The following NUBP2 variants were observed in gnomAD, a reference collection of about 807,000 sequenced individuals.
The protein encoded by NUBP2 is cytosolic Fe-S cluster assembly factor NUBP2.
NUBP2 carries 23 observed loss-of-function variants against 24.9 expected under a neutral mutation model. That is an observed-to-expected ratio of 0.92 (90% CI 0.66 to 1.31). The LOEUF (loss-of-function observed/expected upper bound fraction) is 1.31. NUBP2 is among the 50% of genes most tolerant of loss of function. The pLI, the probability that NUBP2 is intolerant of heterozygous loss-of-function variation, is 0.00. For missense variants in NUBP2, 403 were observed against 386.5 expected (o/e 1.04, Z -0.36); for synonymous variants, 186 against 170.9 (o/e 1.09, Z -0.69).
chr16:1,788,900 C>G lies in NUBP2; in HGVS notation c.*186C>G. 1 of 757,352 alleles carries G rather than the reference C, an allele frequency of 1.3e-6. No individual in the cohort carries two copies. The highest frequency in any genetic ancestry group is 3.1e-5 in the Admixed American group (1 of 32,458). The allele number at this position is 757,352 out of a possible 1,614,324, so 46.9% of individuals were successfully genotyped here. The stretch of plus-strand genomic sequence containing the variant: ...CGCACCAGCAGCTCTGCCTGGTTGG[C>G]CTGCAGTGCCGTGGTCTGCGTGCTC... On this transcript the variant is annotated 3_prime_UTR_variant, in exon 7 of 7. Transcript: ENST00000262302.
chr16:1,783,098 C>T (rs920417546), intron 1 of NUBP2, 62 bp downstream of exon 1: 27 of 1,224,572 alleles, frequency 2.2e-5, no homozygotes, highest in Non-Finnish European at 2.7e-5. Flanking sequence ...CGCCGCGTCC[C>T]TTCCCGGGGC....
chr16:1,788,098 G>C, intron 5 of NUBP2, 40 bp from the exon 6 acceptor site: 5 of 1,555,798 alleles, frequency 3.2e-6, no homozygotes, highest in Non-Finnish European at 4.3e-6. Context: ...CCTGGCCGGT[G>C]GGGGCTTTGG....
intron 1 of NUBP2, chr16:1,784,988 G>A: frequency 1.6e-6 from 1 of 637,242 alleles, no homozygotes; most frequent in South Asian, 7.0e-5. Context: ...GGAGGCGGAG[G>A]TTGCAGTGAG....
At chr16:1,787,554 T>C in intron 3 of NUBP2, 123 bp from the exon 4 acceptor site, 12 of 1,288,684 alleles carry the variant, frequency 9.3e-6, no homozygotes, top group Non-Finnish European at 1.2e-5. Context: ...TGATGGAGGC[T>C]GGTGGCAAGT....
rs769596207 is a variant in NUBP2, at chr16:1,788,163, G to A, written c.626G>A (p.Gly209Asp). ...GAGTGCACCAGCGTCTTCTCCAGGG[G>A]CGGCGGAGAGGAGCTGGCCCAGCTC... ...CTECTSVFSR[G>D]GGEELAQLAG... Residue 209 changes from glycine to aspartate, a missense_variant, in exon 6 of 7, where the codon GGC becomes GAC. Physicochemically the swap from Gly to Asp is moderately conservative, Grantham distance 94. Coordinates refer to ENST00000262302, the MANE Select transcript of NUBP2 (RefSeq NM_012225.4). 2.6e-6 allele frequency: 4 copies of A among 1,537,832 alleles called. No individual in the cohort carries two copies. Among genetic ancestry groups the A allele is most frequent in the Non-Finnish European group, 2.6e-6 (3 of 1,146,362 alleles).
In NUBP2 at chr16:1,786,615, C is replaced by A; in HGVS notation, c.95C>A (p.Ser32Tyr). ...GKGGVGKSTISTELALALRHA... is the reference protein window; with the variant it reads ...GKGGVGKSTIYTELALALRHA... Reference sequence around the variant, plus strand: ...GGGGGCGTTGGGAAAAGCACCATCTCCACGGAGCTGGCCCTGGCACTGCGC... The same window carrying A: ...GGGGGCGTTGGGAAAAGCACCATCTACACGGAGCTGGCCCTGGCACTGCGC... The change falls in exon 2 of 7, where the codon TCC becomes TAC. Residue 32 changes from serine (S) to tyrosine (Y), a missense_variant. Transcript: ENST00000262302. The A allele has an allele frequency of 6.2e-7, 1 of 1,612,768 alleles. No individual in the cohort carries two copies.
intron 1 of NUBP2, chr16:1,783,414 A>C: frequency 9.7e-7 from 1 of 1,028,790 alleles, no homozygotes; most frequent in African/African-American, 1.7e-5. Flanking sequence ...TAAATAAATC[A>C]CACGCGCGCA....
At position 1,782,981 on chromosome 16, in the gene NUBP2, C is replaced by A; in HGVS notation, c.-40C>A. 7.1e-7 allele frequency: 1 copy of A among 1,402,422 alleles called. No homozygotes were observed. Among genetic ancestry groups the A allele is most frequent in the Non-Finnish European group, 9.3e-7 (1 of 1,076,736 alleles). The allele number at this position is 1,402,422 out of a possible 1,614,324, so 86.9% of individuals were successfully genotyped here. A position where few individuals can be genotyped will look rare whatever the true frequency, so the allele number is the denominator to read the frequency against. On this transcript the variant is annotated 5_prime_UTR_variant, in exon 1 of 7. Transcript: ENST00000262302. ...AGCTGGGAGGCTGACGGCCCGCGGG[C>A]GTAAGCGGACTGCAGCCGCGAGCTC...
At chr16:1,783,415 C>T (rs1896815625) in intron 1 of NUBP2, 1 of 1,030,666 alleles carries the variant, frequency 9.7e-7, no homozygotes, top group Non-Finnish European at 1.2e-6. Flanking sequence ...AAATAAATCA[C>T]ACGCGCGCAG....
At chr16:1,785,166 C>T in intron 1 of NUBP2, 2 of 997,352 alleles carry the variant, frequency 2.0e-6, no homozygotes, top group African/African-American at 1.7e-5. Context: ...GCGCACTCGC[C>T]TTCCTCGGGG....
intron 3 of NUBP2, 41 bp from the exon 4 acceptor site, chr16:1,787,636 C>T: frequency 6.2e-7 from 1 of 1,602,426 alleles, no homozygotes; most frequent in Non-Finnish European, 8.5e-7. Context: ...CGTGTGCAGA[C>T]CTGCCCTGCC....
At chr16:1,786,431 C>A in intron 1 of NUBP2, 106 bp from the exon 2 acceptor site, 1 of 1,005,822 alleles carries the variant, frequency 9.9e-7, no homozygotes. Context: ...GGCGATTCAC[C>A]ACTGCCCCGC....
Position 1,783,051 on chromosome 16 carries a change from A to T in NUBP2, c.16+15A>T, listed in dbSNP as rs1306732383. 1 of 1,344,036 alleles carries T rather than the reference A, an allele frequency of 7.4e-7. No homozygotes were observed. Among genetic ancestry groups the T allele is most frequent in the African/African-American group, 1.5e-5 (1 of 65,750 alleles). 83.3% of individuals were successfully genotyped at this position (1,344,036 alleles called of 1,614,324 possible). A position where few individuals can be genotyped will look rare whatever the true frequency, so the allele number is the denominator to read the frequency against. Reference sequence around the variant, plus strand: ...GGCGGCGGCCGGTGAGTGGCGGGCCAGGGTGCGGAGCCGCTCCAGGGCCTC... The same window carrying T: ...GGCGGCGGCCGGTGAGTGGCGGGCCTGGGTGCGGAGCCGCTCCAGGGCCTC... On this transcript the variant is annotated intron_variant, in intron 1 of 6. Coordinates refer to ENST00000262302, the MANE Select transcript of NUBP2 (RefSeq NM_012225.4).
At position 1,783,254 on chromosome 16, in the gene NUBP2, G is replaced by A. The variant is rs530689203; in HGVS notation, c.16+218G>A. 50 of 1,161,154 alleles carry A rather than the reference G, an allele frequency of 4.3e-5. No homozygotes were observed. In the South Asian group the frequency reaches 2.0e-3, roughly 47 times the overall value. 71.9% of individuals were successfully genotyped at this position (1,161,154 alleles called of 1,614,324 possible). On this transcript the variant is annotated intron_variant, in intron 1 of 6. Coordinates refer to ENST00000262302, the MANE Select transcript of NUBP2 (RefSeq NM_012225.4). ...ATGTGGAAGCTCCGTGATCTCGGAG[G>A]GCCTGAGTCGTGGAGTTGGGGGAGC...
chr16:1,783,114 C>T (rs1040723765), intron 1 of NUBP2, 78 bp downstream of exon 1: 12 of 1,214,294 alleles, frequency 9.9e-6, no homozygotes, highest in African/African-American at 1.6e-5. Context: ...GGGGCGGCCT[C>T]GCTGCGTCGC....
chr16:1,785,804 C>T (rs1347121529), intron 1 of NUBP2: 6 of 1,289,014 alleles, frequency 4.7e-6, no homozygotes, highest in Non-Finnish European at 6.1e-6. Flanking sequence ...AGGTTTTACG[C>T]ATCATGTGTT....
chr16:1,786,772 G>A lies in NUBP2; in HGVS notation c.151G>A (p.Val51Met). ...HAGKKVGILD[V>M]DLCGPSIPRM... The stretch of plus-strand genomic sequence containing the variant: ...CTCCTTGCAGGTGGGAATCCTGGAT[G>A]TGGACCTGTGTGGCCCCAGTATCCC... Residue 51 changes from valine to methionine, a missense_variant, in exon 3 of 7, where the codon GTG (valine) becomes ATG (methionine). Transcript: ENST00000262302. The A allele has an allele frequency of 1.2e-6, 2 of 1,611,292 alleles. No homozygotes were observed. Among genetic ancestry groups the A allele is most frequent in the Non-Finnish European group, 1.7e-6 (2 of 1,178,974 alleles).
chr16:1,783,025 A>T lies in NUBP2; in HGVS notation c.5A>T (p.Glu2Val), dbSNP rs1025220344. 5.1e-6 allele frequency: 7 copies of T among 1,376,378 alleles called. No individual in the cohort carries two copies. Among genetic ancestry groups the T allele is most frequent in the Non-Finnish European group, 6.6e-6 (7 of 1,060,194 alleles). 85.3% of individuals were successfully genotyped at this position (1,376,378 alleles called of 1,614,324 possible). Reference sequence around the variant, plus strand: ...CGAGCTCCTGGAGGCGGCGGGATGGAGGCGGCGGCCGGTGAGTGGCGGGCC... The same window carrying T: ...CGAGCTCCTGGAGGCGGCGGGATGGTGGCGGCGGCCGGTGAGTGGCGGGCC... M[E>V]AAAEPGNLAG... Residue 2 changes from glutamate (E) to valine (V), a missense_variant, in exon 1 of 7, where the codon GAG becomes GTG. Coordinates refer to ENST00000262302, the MANE Select transcript of NUBP2 (RefSeq NM_012225.4).
Position 1,786,980 on chromosome 16 carries a change from C to T in NUBP2, c.334+25C>T, listed in dbSNP as rs373228494. The T allele has an allele frequency of 4.4e-4, 667 of 1,501,204 alleles. 1 individual carries two copies. The highest frequency in any genetic ancestry group is 5.7e-4 in the Non-Finnish European group (641 of 1,125,330). 93.0% of individuals were successfully genotyped at this position (1,501,204 alleles called of 1,614,324 possible). The stretch of plus-strand genomic sequence containing the variant: ...GGTAACGGCCGGGCGGCGCGTCCGC[C>T]GTCCTGGTGAAGGGGGTTAGCGTCC... On this transcript the variant is annotated intron_variant, in intron 3 of 6. Coordinates refer to ENST00000262302, the MANE Select transcript of NUBP2 (RefSeq NM_012225.4).
Sources: allele counts gnomAD v4.1 joint callset, GRCh38; gene constraint gnomAD v4.1.1; transcripts MANE v1.5; gene names NCBI Gene and HGNC (gene_info 2026-07-23, HGNC 2026-07-21).